CYTH3: variants seen among roughly 807,000 people sequenced by gnomAD.
The protein encoded by CYTH3 is cytohesin-3.
In CYTH3, 23 loss-of-function variants were observed where a neutral mutation model predicts 55.1. That is an observed-to-expected ratio of 0.42 (90% CI 0.30 to 0.59). The LOEUF (loss-of-function observed/expected upper bound fraction) is 0.59, where lower values mean the gene tolerates loss of function less well. CYTH3 is among the 20% of genes least tolerant of loss of function. The pLI is 0.20. For missense variants in CYTH3, 413 were observed against 524.8 expected (o/e 0.79, Z 2.08); for synonymous variants, 249 against 194.9 (o/e 1.28, Z -2.31).
intron 1 of CYTH3, among the ~76,000 whole-genome samples, chr7:6,253,930 T>C (rs532277052): frequency 3.0e-4 from 45 of 151,350 alleles, no homozygotes; most frequent in African/African-American, 1.1e-3. Flanking sequence ...GAGGCAGCGG[T>C]TGCAGTGAGC....
chr7:6,179,042 G>T (rs936079592), intron 4 of CYTH3, among the ~76,000 whole-genome samples: 5 of 152,124 alleles, frequency 3.3e-5, no homozygotes, highest in African/African-American at 9.7e-5. Context: ...CCAAGACCAG[G>T]GCTGCCTCAT....
intron 1 of CYTH3, among the ~76,000 whole-genome samples, chr7:6,199,119 T>G (rs2128546371): frequency 6.6e-6 from 1 of 152,342 alleles, no homozygotes; most frequent in African/African-American, 2.4e-5. Context: ...GTGCTGCCAG[T>G]GAAGCTTTAC....
At chr7:6,263,291 T>C (rs1442398762) in intron 1 of CYTH3, among the ~76,000 whole-genome samples, 3 of 152,210 alleles carry the variant, frequency 2.0e-5, no homozygotes, top group Admixed American at 1.3e-4. Context: ...GCAAACACTG[T>C]GTGCTGATTA....
intron 1 of CYTH3, among the ~76,000 whole-genome samples, chr7:6,251,402 G>C (rs1436990658): frequency 1.3e-5 from 2 of 150,940 alleles, no homozygotes; most frequent in Non-Finnish European, 2.9e-5. Flanking sequence ...GAAGTTTCTT[G>C]AAGGGCTACA....
chr7:6,190,378 ACTCTTTTACT>A, intron 2 of CYTH3, 61 bp downstream of exon 2: 2 of 907,000 alleles, frequency 2.2e-6, no homozygotes, highest in Non-Finnish European at 2.8e-6. Flanking sequence ...TTGTGAGGCT[ACTCTTTTACT>A]ATTTTACTCA....
At chr7:6,194,137 A>G (rs1416214051) in intron 1 of CYTH3, among the ~76,000 whole-genome samples, 1 of 152,246 alleles carries the variant, frequency 6.6e-6, no homozygotes, top group Non-Finnish European at 1.5e-5. Context: ...AGCCTCTGAC[A>G]TGCAAAACAG....
intron 1 of CYTH3, among the ~76,000 whole-genome samples, chr7:6,225,575 C>T (rs529082814): frequency 1.3e-5 from 2 of 151,966 alleles, no homozygotes; most frequent in South Asian, 2.1e-4. Context: ...AGGCTGGTCT[C>T]GAACACCCGA....
At chr7:6,200,512 A>G (rs1015619235) in intron 1 of CYTH3, among the ~76,000 whole-genome samples, 24 of 152,232 alleles carry the variant, frequency 1.6e-4, no homozygotes, top group African/African-American at 5.8e-4. Flanking sequence ...CCTAATTGAA[A>G]TTGATTCTCT....
intron 4 of CYTH3, among the ~76,000 whole-genome samples, chr7:6,178,384 C>A (rs1402534204): frequency 6.6e-6 from 1 of 152,232 alleles, no homozygotes; most frequent in African/African-American, 2.4e-5. Flanking sequence ...TCCCTGCCAC[C>A]CCCTTCACTA....
At chr7:6,227,410 T>C (rs1257191019) in intron 1 of CYTH3, among the ~76,000 whole-genome samples, 3 of 151,928 alleles carry the variant, frequency 2.0e-5, no homozygotes, top group Non-Finnish European at 4.4e-5. Context: ...TTCATCTCAA[T>C]AGATGGAAAA....
At position 6,170,562 on chromosome 7, in the gene CYTH3, C is replaced by A. The variant is rs1181253011; in HGVS notation, c.796G>T (p.Asp266Tyr). The A allele has an allele frequency of 6.2e-7, 1 of 1,613,858 alleles. No individual in the cohort carries two copies. Among genetic ancestry groups the A allele is most frequent in the African/African-American group, 1.3e-5 (1 of 74,922 alleles). The change falls in exon 9 of 13, where the codon GAC (aspartate) becomes TAC (tyrosine). Residue 266 changes from aspartate (D) to tyrosine (Y), a missense_variant. Asp to Tyr is a radical substitution (Grantham distance 160). Transcript: ENST00000350796. This position sits in a 1 kb window ranked among gnomAD's most constrained non-coding sequence, Gnocchi z 7.8. The stretch of plus-strand genomic sequence containing the variant: ...AGCTTCAGGAGCCAGCCCTCGCGGT[C>A]GGGGTTGAAGAAGGTGTGGGTCAGG... ...NDLTHTFFNP[D>Y]REGWLLKLGG...
At chr7:6,188,325 T>A (rs989300452) in intron 2 of CYTH3, among the ~76,000 whole-genome samples, 1 of 151,488 alleles carries the variant, frequency 6.6e-6, no homozygotes, top group Non-Finnish European at 1.5e-5. Flanking sequence ...AGAGCAAGAC[T>A]TGGTCTCTTT....
intron 1 of CYTH3, among the ~76,000 whole-genome samples, chr7:6,218,811 C>T (rs1166397368): frequency 6.6e-6 from 1 of 152,036 alleles, no homozygotes; most frequent in African/African-American, 2.4e-5. Flanking sequence ...TCGAGACCAT[C>T]CTGGCCAACA....
chr7:6,224,716 C>G (rs543554205), intron 1 of CYTH3, among the ~76,000 whole-genome samples: 1 of 152,240 alleles, frequency 6.6e-6, no homozygotes, highest in East Asian at 1.9e-4. Flanking sequence ...CGTATATACC[C>G]AAAGAGCTGA....
chr7:6,166,121 G>C (rs1207774507), intron 9 of CYTH3, among the ~76,000 whole-genome samples: 1 of 152,206 alleles, frequency 6.6e-6, no homozygotes. Flanking sequence ...ATGAAGTCAG[G>C]ACTGCGCGCC....
intron 1 of CYTH3, 42 bp from the exon 2 acceptor site, chr7:6,190,573 T>A (rs773399014): frequency 6.9e-7 from 1 of 1,458,384 alleles, no homozygotes; most frequent in African/African-American, 1.4e-5. Flanking sequence ...GGAGAACACA[T>A]TGGCAACATC....
intron 2 of CYTH3, among the ~76,000 whole-genome samples, chr7:6,189,198 G>A (rs555205465): frequency 2.6e-5 from 4 of 152,292 alleles, no homozygotes; most frequent in East Asian, 1.9e-4. Flanking sequence ...ACGCCGAGAC[G>A]GTGGCTTTAT....
chr7:6,175,545 CTTTTTTTTTT>C (rs1177188782), intron 5 of CYTH3, among the ~76,000 whole-genome samples: 1 of 89,004 alleles, frequency 1.1e-5, no homozygotes, highest in African/African-American at 4.6e-5. Flanking sequence ...ACACTTTAGT[CTTTTTTTTTT>C]TTTTTTTTTT....
intron 1 of CYTH3, among the ~76,000 whole-genome samples, chr7:6,191,389 A>G (rs557621230): frequency 6.6e-6 from 1 of 152,230 alleles, no homozygotes; most frequent in African/African-American, 2.4e-5. Context: ...CTCAGCTCAA[A>G]AACAGACTGG....
Sources: gnomAD v4.1 joint callset for allele counts (sites outside exome capture counted in the v4.1 genomes callset) on GRCh38, gnomAD v4.1.1 for gene constraint, Gnocchi (gnomAD v3.1) non-coding constraint, MANE v1.5 for transcripts, NCBI Gene and HGNC (gene_info 2026-07-23, HGNC 2026-07-21) for gene names.